PARD3B: variants seen among roughly 807,000 people sequenced by gnomAD.
PARD3B encodes the protein par-3 family cell polarity regulator beta, also known as partitioning defective 3 homolog B.
Under a neutral mutation model 130.2 loss-of-function variants are expected in PARD3B, and 103 were observed. The observed-to-expected ratio is 0.79, with a 90% CI of 0.67 to 0.93. The LOEUF is 0.93. PARD3B is among the 40% of genes least tolerant of loss of function. The pLI is 0.00. For missense variants in PARD3B, 1,609 were observed against 1,499.2 expected, an observed-to-expected ratio of 1.07 and a Z score of -1.21; for synonymous variants, 583 against 553.2, an observed-to-expected ratio of 1.05 and a Z score of -0.76.
chr2:205,308,505 G>T (rs532669366), intron 18 of PARD3B, among the ~76,000 whole-genome samples: 138 of 151,112 alleles, frequency 9.1e-4, no homozygotes, highest in African/African-American at 3.1e-3. Context: ...TACTCAGGAG[G>T]CTGAGGCAGG....
chr2:204,574,330 G>A (rs1250608773), intron 1 of PARD3B, among the ~76,000 whole-genome samples: 1 of 152,132 alleles, frequency 6.6e-6, no homozygotes, highest in East Asian at 1.9e-4. Flanking sequence ...AACTAGCAGT[G>A]ATCTCATACT....
intron 2 of PARD3B, among the ~76,000 whole-genome samples, chr2:204,915,815 A>G (rs982366944): frequency 8.5e-5 from 13 of 152,226 alleles, no homozygotes; most frequent in African/African-American, 2.9e-4. Flanking sequence ...TCACTGATGC[A>G]TATTAATGAC....
intron 4 of PARD3B, among the ~76,000 whole-genome samples, chr2:205,101,468 G>A (rs1559437626): frequency 6.6e-6 from 1 of 152,156 alleles, no homozygotes; most frequent in Non-Finnish European, 1.5e-5. Context: ...GTGGGAAATA[G>A]TGCAGCAGTT....
chr2:204,596,152 T>C (rs2033280340), intron 1 of PARD3B, among the ~76,000 whole-genome samples: 2 of 152,186 alleles, frequency 1.3e-5, no homozygotes, highest in South Asian at 4.1e-4. Flanking sequence ...GAATATAATG[T>C]CCTAGGTTAT....
intron 1 of PARD3B, among the ~76,000 whole-genome samples, chr2:204,572,891 G>A (rs562423085): frequency 1.3e-5 from 2 of 152,162 alleles, no homozygotes; most frequent in South Asian, 2.1e-4. Flanking sequence ...CACTTATAAA[G>A]CACCATGTCT....
chr2:204,634,784 G>A (rs892144913), intron 1 of PARD3B, among the ~76,000 whole-genome samples: 1 of 151,862 alleles, frequency 6.6e-6, no homozygotes, highest in Non-Finnish European at 1.5e-5. Context: ...TTTCCCCTGC[G>A]ATATTAGTGG....
At chr2:205,141,732 A>G (rs1421503142) in intron 10 of PARD3B, among the ~76,000 whole-genome samples, 9 of 152,228 alleles carry the variant, frequency 5.9e-5, no homozygotes, top group Non-Finnish European at 1.2e-4. Flanking sequence ...TATGCCAAAT[A>G]TATTATCTAA....
chr2:205,330,545 T>C (rs957510529), intron 18 of PARD3B, among the ~76,000 whole-genome samples: 1 of 152,206 alleles, frequency 6.6e-6, no homozygotes, highest in African/African-American at 2.4e-5. Flanking sequence ...AAGCCCATCC[T>C]GTGTGTTTTC....
intron 1 of PARD3B, among the ~76,000 whole-genome samples, chr2:204,654,470 G>T (rs930400991): frequency 3.4e-5 from 5 of 145,176 alleles, no homozygotes; most frequent in East Asian, 1.9e-4. Flanking sequence ...CTCTGCTGGG[G>T]AAGTAAATGG....
At chr2:205,118,139 G>T (rs1031301481) in intron 6 of PARD3B, among the ~76,000 whole-genome samples, 1 of 152,144 alleles carries the variant, frequency 6.6e-6, no homozygotes, top group African/African-American at 2.4e-5. Flanking sequence ...ACTCGGAAGC[G>T]GGGTCTGCTA....
chr2:204,546,064 G>A lies in PARD3B; in HGVS notation c.65G>A (p.Arg22His). The change falls in exon 1 of 23, where the codon CGC becomes CAC. Residue 22 changes from arginine (R) to histidine (H), a missense_variant. By Grantham distance (29) the Arg-to-His change is conservative. Transcript: ENST00000406610. ...IVVPCKEGQL[R>H]VGELTQQALQ... ...GTGCCCTGCAAGGAGGGCCAGCTGC[G>A]CGTCGGCGAGCTCACCCAGCAGGCG... The A allele has an allele frequency of 6.4e-7, 1 of 1,560,992 alleles. No individual in the cohort carries two copies.
intron 1 of PARD3B, among the ~76,000 whole-genome samples, chr2:204,575,032 ATG>A (rs559797661): frequency 1.9e-3 from 74 of 38,104 alleles, no homozygotes; most frequent in Non-Finnish European, 4.1e-3. Flanking sequence ...TACTTTGCTG[ATG>A]TTTTTTTTTC....
At chr2:204,700,203 T>C (rs2037824263) in intron 2 of PARD3B, among the ~76,000 whole-genome samples, 1 of 152,138 alleles carries the variant, frequency 6.6e-6, no homozygotes, top group Non-Finnish European at 1.5e-5. Flanking sequence ...ATTCAATATA[T>C]TGCTTTCCTC....
chr2:205,211,165 G>A (rs558920447), intron 15 of PARD3B, among the ~76,000 whole-genome samples: 1 of 152,060 alleles, frequency 6.6e-6, no homozygotes, highest in African/African-American at 2.4e-5. Context: ...CAGAACCCCA[G>A]AAGCCAATAT....
chr2:204,582,775 C>CA (rs1224656550), intron 1 of PARD3B, among the ~76,000 whole-genome samples: 1 of 152,126 alleles, frequency 6.6e-6, no homozygotes, highest in East Asian at 1.9e-4. Flanking sequence ...GTGTAGATGT[C>CA]ATTTGCTTCA....
chr2:205,327,798 A>G (rs912938844), intron 18 of PARD3B, among the ~76,000 whole-genome samples: 3 of 152,238 alleles, frequency 2.0e-5, no homozygotes, highest in African/African-American at 4.8e-5. Flanking sequence ...TGACTGGTAC[A>G]TAGTAAAGTA....
intron 1 of PARD3B, among the ~76,000 whole-genome samples, chr2:204,592,203 A>G (rs1481507944): frequency 9.9e-5 from 15 of 152,244 alleles, no homozygotes; most frequent in Admixed American, 9.2e-4. Flanking sequence ...AGTACTTTAC[A>G]AAATGCTAGA....
chr2:205,021,986 A>C lies in PARD3B; in HGVS notation c.395-25595A>C, dbSNP rs1466406189. ...AATGCAAAAACTCCAAAATATCAAA[A>C]GCTACCTTTTTCAAACAAATTCAGT... On this transcript the variant is annotated intron_variant, in intron 3 of 22. Transcript: ENST00000406610. This position sits in a 1 kb window ranked among gnomAD's most constrained non-coding sequence, Gnocchi z 4.5. Among the ~76,000 whole-genome samples, 1 of 152,168 alleles carries C rather than the reference A, an allele frequency of 6.6e-6. No individual in the cohort carries two copies. Among genetic ancestry groups the C allele is most frequent in the Non-Finnish European group, 1.5e-5 (1 of 68,026 alleles).
chr2:205,166,160 A>G (rs974836575), intron 11 of PARD3B, among the ~76,000 whole-genome samples: 2 of 152,332 alleles, frequency 1.3e-5, no homozygotes, highest in South Asian at 2.1e-4. Context: ...TACCCATTCT[A>G]TAATCTAGGA....
Sources: allele counts gnomAD v4.1 joint callset (sites outside exome capture counted in the v4.1 genomes callset), GRCh38; gene constraint gnomAD v4.1.1; non-coding constraint Gnocchi (gnomAD v3.1); transcripts MANE v1.5; gene names NCBI Gene and HGNC (gene_info 2026-07-23, HGNC 2026-07-21).